Variants in TMEM51 observed in about 807,000 individuals in gnomAD.
The protein encoded by TMEM51 is transmembrane protein 51.
TMEM51 carries 8 observed loss-of-function variants against 13.6 expected under a neutral mutation model. That is an observed-to-expected ratio of 0.59 (90% CI 0.35 to 1.07). The LOEUF (loss-of-function observed/expected upper bound fraction) is 1.07. Among genes scored for constraint, TMEM51 ranks in the 50% least tolerant of loss-of-function variants. TMEM51 has a pLI of 0.02. For missense variants in TMEM51, 279 were observed against 330.7 expected, an observed-to-expected ratio of 0.84 and a Z score of 1.21; for synonymous variants, 147 against 144.4, an observed-to-expected ratio of 1.02 and a Z score of -0.13.
At chr1:15,198,830 C>T (rs889757172) in intron 1 of TMEM51, among the ~76,000 whole-genome samples, 2 of 152,230 alleles carry the variant, frequency 1.3e-5, no homozygotes, top group African/African-American at 2.4e-5. Flanking sequence ...GAGCAGCAGG[C>T]TCACTGTGCT....
rs1028432242 is a variant in TMEM51 at position 15,207,660 on chromosome 1, C to T, written c.-266-2830C>T. Among the ~76,000 whole-genome samples the T allele has an allele frequency of 2.6e-5, 4 of 152,172 alleles. No homozygotes were observed. The highest frequency in any genetic ancestry group is 3.8e-4 in the East Asian group (2 of 5,200). On this transcript the variant is annotated intron_variant, in intron 1 of 3. Transcript: ENST00000376008. The surrounding 1 kb of genome is among the most constrained non-coding windows in gnomAD (Gnocchi z 4.6). ...CTCTGGTTGGCCAGGGGTGTGCACA[C>T]GAGTGGAAAGAGCCTCTGCCCAGCG...
At chr1:15,154,754 C>T (rs1642529386) in intron 1 of TMEM51, among the ~76,000 whole-genome samples, 1 of 152,196 alleles carries the variant, frequency 6.6e-6, no homozygotes, top group African/African-American at 2.4e-5. Flanking sequence ...CCCTCCCCCA[C>T]GGTTTCCCCA....
chr1:15,154,301 G>C (rs1642511369), intron 1 of TMEM51, among the ~76,000 whole-genome samples: 1 of 152,240 alleles, frequency 6.6e-6, no homozygotes, highest in South Asian at 2.1e-4. Context: ...CTTTCAGCGC[G>C]TGGTTAGGAG....
intron 1 of TMEM51, among the ~76,000 whole-genome samples, chr1:15,163,150 C>T (rs1180695587): frequency 2.6e-5 from 4 of 151,926 alleles, no homozygotes; most frequent in African/African-American, 7.3e-5. Flanking sequence ...TGGGGGGAAA[C>T]GGTGCCTAAG....
In TMEM51 at chr1:15,161,977, C is replaced by T. The variant is rs1030025447; in HGVS notation, c.-267+8023C>T. ...TTAGCCCATGGCATCTCAGATGCAT[C>T]AGCATCTGCTTCTAGTGAGGGCCTC... On this transcript the variant is annotated intron_variant, in intron 1 of 3. Transcript: ENST00000376008. This position sits in a 1 kb window ranked among gnomAD's most constrained non-coding sequence, Gnocchi z 4.0. Among the ~76,000 whole-genome samples, 36 of 151,964 alleles carry T rather than the reference C, an allele frequency of 2.4e-4. 2 individuals are homozygous for T. The highest frequency in any genetic ancestry group is 8.5e-4 in the African/African-American group (35 of 41,282).
intron 1 of TMEM51, among the ~76,000 whole-genome samples, chr1:15,178,722 A>C (rs1333432992): frequency 1.3e-5 from 2 of 152,142 alleles, no homozygotes; most frequent in Non-Finnish European, 2.9e-5. Flanking sequence ...ATCCAGACAG[A>C]CCTGGATTTT....
intron 1 of TMEM51, among the ~76,000 whole-genome samples, chr1:15,184,934 G>A (rs1643726653): frequency 2.6e-5 from 4 of 151,956 alleles, no homozygotes. Context: ...ACATTGCACA[G>A]CACAGCACTC....
intron 1 of TMEM51, among the ~76,000 whole-genome samples, chr1:15,183,045 G>A (rs762094233): frequency 2.6e-5 from 4 of 152,202 alleles, no homozygotes; most frequent in African/African-American, 7.2e-5. Context: ...TAACAGATGT[G>A]AGCCACCACG....
intron 1 of TMEM51, among the ~76,000 whole-genome samples, chr1:15,157,622 T>C (rs1642631854): frequency 6.6e-6 from 1 of 152,208 alleles, no homozygotes; most frequent in Admixed American, 6.5e-5. Flanking sequence ...CGTGGTGACA[T>C]GGTCAGGAGG....
Position 15,219,644 on chromosome 1 carries a change from A to G in TMEM51, c.663A>G (p.Pro221=). Residue 221 remains proline, a synonymous_variant, in exon 4 of 4, where the codon CCA becomes CCG. Coordinates refer to ENST00000376008, the MANE Select transcript of TMEM51 (RefSeq NM_001136218.2). ...LHLKDFRINL[P]DKNVPPPSIE... is the part of the protein sequence containing the mutation. ...TCAAAGACTTTAGGATCAACCTCCCAGACAAAAACGTCCCTCCTCCCTCGA... is the reference window on the plus strand; with the variant it reads ...TCAAAGACTTTAGGATCAACCTCCCGGACAAAAACGTCCCTCCTCCCTCGA... 6.2e-7 allele frequency: 1 copy of G among 1,614,068 alleles called. No homozygotes were observed. Among genetic ancestry groups the G allele is most frequent in the Non-Finnish European group, 8.5e-7 (1 of 1,180,040 alleles).
intron 1 of TMEM51, among the ~76,000 whole-genome samples, chr1:15,184,759 A>AT (rs982943631): frequency 6.6e-5 from 10 of 152,130 alleles, no homozygotes; most frequent in African/African-American, 1.7e-4. Flanking sequence ...GCTTATCTTA[A>AT]TTTTTTAAAA....
intron 1 of TMEM51, among the ~76,000 whole-genome samples, chr1:15,172,387 C>CA (rs34718626): frequency 0.024 from 1,779 of 75,076 alleles, 72 homozygotes; most frequent in African/African-American, 0.084. Context: ...GACCCTGTCT[C>CA]AAAAAAAAAA....
At chr1:15,155,422 G>GA (rs1385016223) in intron 1 of TMEM51, among the ~76,000 whole-genome samples, 2 of 152,260 alleles carry the variant, frequency 1.3e-5, no homozygotes, top group East Asian at 3.8e-4. Context: ...TGTAAAATGG[G>GA]ATGATGATCT....
At chr1:15,170,950 G>T (rs968669032) in intron 1 of TMEM51, among the ~76,000 whole-genome samples, 1 of 151,994 alleles carries the variant, frequency 6.6e-6, no homozygotes, top group Admixed American at 6.6e-5. Flanking sequence ...GGATGGTCTC[G>T]ATCTCCTGAC....
chr1:15,214,829 C>T (rs561716976), intron 2 of TMEM51, 66 bp from the exon 3 acceptor site: 8 of 487,196 alleles, frequency 1.6e-5, no homozygotes, highest in African/African-American at 1.5e-4. Flanking sequence ...AGCAGAGCCG[C>T]CACATTCACA....
chr1:15,168,660 T>C, intron 1 of TMEM51: 8 of 1,304,416 alleles, frequency 6.1e-6, no homozygotes, highest in Non-Finnish European at 8.1e-6. Flanking sequence ...TCACTGCATC[T>C]GAGGAAGTCT....
chr1:15,159,768 G>A (rs1642711418), intron 1 of TMEM51, among the ~76,000 whole-genome samples: 1 of 152,140 alleles, frequency 6.6e-6, no homozygotes, highest in African/African-American at 2.4e-5. Flanking sequence ...TGTTGGCCAG[G>A]ATGGTCTCGA....
chr1:15,166,224 G>T (rs1642992893), intron 1 of TMEM51, among the ~76,000 whole-genome samples: 1 of 152,132 alleles, frequency 6.6e-6, no homozygotes, highest in Non-Finnish European at 1.5e-5. Flanking sequence ...AGACCCATAG[G>T]CTTGTTATGC....
Position 15,215,612 on chromosome 1 carries a change from A to G in TMEM51, c.344+181A>G, listed in dbSNP as rs540552736. On this transcript the variant is annotated intron_variant, in intron 3 of 3. Transcript: ENST00000376008. Reference sequence around the variant, plus strand: ...TTTACAAATAACTTTAGACTTTTCTACCAGAGCTTCCCAAATAGCATGGTA... The same window carrying G: ...TTTACAAATAACTTTAGACTTTTCTGCCAGAGCTTCCCAAATAGCATGGTA... Among the ~76,000 whole-genome samples the G allele has an allele frequency of 1.1e-3, 166 of 152,384 alleles. 2 individuals carry two copies. Among genetic ancestry groups the G allele is most frequent in the Non-Finnish European group, 1.1e-3 (73 of 68,036 alleles).
Sources: allele counts gnomAD v4.1 joint callset (sites outside exome capture counted in the v4.1 genomes callset), GRCh38; gene constraint gnomAD v4.1.1; non-coding constraint Gnocchi (gnomAD v3.1); transcripts MANE v1.5; gene names NCBI Gene and HGNC (gene_info 2026-07-23, HGNC 2026-07-21).